FOSL2: variants seen among roughly 807,000 people sequenced by gnomAD.
The protein encoded by FOSL2 is FOS like 2, AP-1 transcription factor subunit.
A neutral mutation model predicts 27.7 loss-of-function variants in FOSL2; 3 were observed. The ratio of observed to expected loss-of-function variants is 0.11; its 90% CI spans 0.05 to 0.28. The LOEUF (loss-of-function observed/expected upper bound fraction) is 0.28. FOSL2 is among the 10% of genes least tolerant of loss of function. The pLI, the probability that FOSL2 is intolerant of heterozygous loss-of-function variation, is 1.00. For missense variants in FOSL2, 333 were observed against 445.1 expected, an observed-to-expected ratio of 0.75 and a Z score of 2.27; for synonymous variants, 179 against 190.1, an observed-to-expected ratio of 0.94 and a Z score of 0.48.
chr2:28,406,306 C>G (rs1051425304), intron 2 of FOSL2, among the ~76,000 whole-genome samples: 3 of 152,132 alleles, frequency 2.0e-5, no homozygotes, highest in African/African-American at 7.2e-5. Flanking sequence ...AGGTGATCCA[C>G]CCGCCTCAGC....
Position 28,417,190 on chromosome 2 carries a change from G to C in FOSL2, c.*4742G>C, listed in dbSNP as rs2148108448. 1 of 152,152 alleles carries C rather than the reference G, an allele frequency of 6.6e-6. No homozygotes were observed. The highest frequency in any genetic ancestry group is 2.1e-4 in the South Asian group (1 of 4,818). 9.4% of individuals were successfully genotyped at this position (152,152 alleles called of 1,614,324 possible). ...AAAGAAAGCTTGTTAGAAAAAGCTTGCTGCTATGGAAGAAAGAACATATTA... is the reference window on the plus strand; with the variant it reads ...AAAGAAAGCTTGTTAGAAAAAGCTTCCTGCTATGGAAGAAAGAACATATTA... On this transcript the variant is annotated 3_prime_UTR_variant, in exon 4 of 4. Transcript: ENST00000264716.
chr2:28,403,128 G>A (rs1376270713), intron 1 of FOSL2, among the ~76,000 whole-genome samples: 1 of 152,216 alleles, frequency 6.6e-6, no homozygotes, highest in East Asian at 1.9e-4. Flanking sequence ...CTGAAAAGCT[G>A]GAAGTAGGGG....
rs551825425 is a variant in FOSL2, at chr2:28,411,856, C to T, written c.463-74C>T. 1.5e-4 allele frequency: 234 copies of T among 1,530,822 alleles called. No individual in the cohort carries two copies. The African/African-American group carries it at 2.6e-3, about 17-fold the overall frequency. The allele number at this position is 1,530,822 out of a possible 1,614,324, so 94.8% of individuals were successfully genotyped here. ...GCTCTCACAGTGTCTGAGAACATTA[C>T]TGGTTTTCTCTTTCCTGCCTAGATT... On this transcript the variant is annotated intron_variant, in intron 3 of 3. Transcript: ENST00000264716.
In FOSL2 at chr2:28,412,427, C is replaced by T. The variant is rs1417509226; in HGVS notation, c.960C>T (p.Ser320=). Residue 320 remains serine, a synonymous_variant, in exon 4 of 4, where the codon TCC becomes TCT. Coordinates refer to ENST00000264716, the MANE Select transcript of FOSL2 (RefSeq NM_005253.4). This position sits in a 1 kb window ranked among gnomAD's most constrained non-coding sequence, Gnocchi z 7.1. ...ACCAATCATCAGACTCCTTGAACTC[C>T]CCCACTCTGCTGGCTCTGTAACCCA... ...SGDQSSDSLN[S]PTLLAL 1 of 1,600,770 alleles carries T rather than the reference C, an allele frequency of 6.2e-7. No homozygotes were observed. The highest frequency in any genetic ancestry group is 8.5e-7 in the Non-Finnish European group (1 of 1,179,736).
At chr2:28,410,697 C>G (rs901937398) in intron 3 of FOSL2, 2 of 207,146 alleles carry the variant, frequency 9.7e-6, no homozygotes, top group Admixed American at 6.5e-5. Flanking sequence ...TTCTGCTTCT[C>G]TGGCTGGGGA....
In FOSL2 at chr2:28,412,532, G is replaced by A; in HGVS notation, c.*84G>A. ...GACCAGCACCTTCAAGCGCTCCAGG[G>A]CCGTGAGGGCAAGAGGGGGACCTGC... On this transcript the variant is annotated 3_prime_UTR_variant, in exon 4 of 4. Transcript: ENST00000264716. This position sits in a 1 kb window ranked among gnomAD's most constrained non-coding sequence, Gnocchi z 7.1. The A allele has an allele frequency of 6.7e-7, 1 of 1,496,264 alleles. No individual in the cohort carries two copies. Among genetic ancestry groups the A allele is most frequent in the East Asian group, 2.3e-5 (1 of 43,726 alleles). 92.7% of individuals were successfully genotyped at this position (1,496,264 alleles called of 1,614,324 possible).
Position 28,413,445 on chromosome 2 carries a change from C to T in FOSL2, c.*997C>T. On this transcript the variant is annotated 3_prime_UTR_variant, in exon 4 of 4. Transcript: ENST00000264716. The stretch of plus-strand genomic sequence containing the variant: ...AGTCCCTGCCGGGCTCCGCCTTTCC[C>T]CCACCCTGGCTCTCAGGGTGACGCC... 1 of 398,764 alleles carries T rather than the reference C, an allele frequency of 2.5e-6. No homozygotes were observed. Among genetic ancestry groups the T allele is most frequent in the Non-Finnish European group, 4.4e-6 (1 of 226,218 alleles). The allele number at this position is 398,764 out of a possible 1,614,324, so 24.7% of individuals were successfully genotyped here.
At position 28,413,212 on chromosome 2, in the gene FOSL2, A is replaced by G. The variant is rs1205051914; in HGVS notation, c.*764A>G. Reference sequence around the variant, plus strand: ...CCAGAAGACAGGGTGTGAGTGAGACAGTGGGGCACAGGTTGGGTTTGCCAA... The same window carrying G: ...CCAGAAGACAGGGTGTGAGTGAGACGGTGGGGCACAGGTTGGGTTTGCCAA... On this transcript the variant is annotated 3_prime_UTR_variant, in exon 4 of 4. Coordinates refer to ENST00000264716, the MANE Select transcript of FOSL2 (RefSeq NM_005253.4). 3.1e-6 allele frequency: 1 copy of G among 319,138 alleles called. No individual in the cohort carries two copies. Among genetic ancestry groups the G allele is most frequent in the African/African-American group, 2.1e-5 (1 of 47,074 alleles). The allele number at this position is 319,138 out of a possible 1,614,324, so 19.8% of individuals were successfully genotyped here. A position where few individuals can be genotyped will look rare whatever the true frequency, so the allele number is the denominator to read the frequency against.
At chr2:28,405,781 C>T (rs886862387) in intron 2 of FOSL2, among the ~76,000 whole-genome samples, 2 of 152,224 alleles carry the variant, frequency 1.3e-5, no homozygotes, top group Admixed American at 1.3e-4. Context: ...CATGTTGGGC[C>T]TCTGCTGCTG....
rs1428933066 is a variant in FOSL2 at position 28,416,620 on chromosome 2, A to G, written c.*4172A>G. The G allele has an allele frequency of 6.6e-5, 10 of 152,284 alleles. No homozygotes were observed. The East Asian group carries it at 1.9e-3, about 29-fold the overall frequency. 9.4% of individuals were successfully genotyped at this position (152,284 alleles called of 1,614,324 possible). On this transcript the variant is annotated 3_prime_UTR_variant, in exon 4 of 4. Transcript: ENST00000264716. The stretch of plus-strand genomic sequence containing the variant: ...CGCCAAGACATCTACATTGTAAGAG[A>G]ACACAGTGGAAGATCCTGTCCTGAT...
rs1664260141 is a variant in FOSL2 at position 28,413,918 on chromosome 2, C to G, written c.*1470C>G. 1 of 398,218 alleles carries G rather than the reference C, an allele frequency of 2.5e-6. No homozygotes were observed. Among genetic ancestry groups the G allele is most frequent in the Non-Finnish European group, 4.4e-6 (1 of 226,088 alleles). The allele number at this position is 398,218 out of a possible 1,614,324, so 24.7% of individuals were successfully genotyped here. On this transcript the variant is annotated 3_prime_UTR_variant, in exon 4 of 4. Coordinates refer to ENST00000264716, the MANE Select transcript of FOSL2 (RefSeq NM_005253.4). Reference sequence around the variant, plus strand: ...CTTCCCACTGCAGGAGAGCTGCCCCCTTTCACGGGGTTGGGGAAGGGTCCC... The same window carrying G: ...CTTCCCACTGCAGGAGAGCTGCCCCGTTTCACGGGGTTGGGGAAGGGTCCC...
At position 28,392,924 on chromosome 2, in the gene FOSL2, G is replaced by T; in HGVS notation, c.-797G>T. Reference sequence around the variant, plus strand: ...ACCAGCGAGCGAGCGAACGAGCGGCGCTCGGCGGGGACAGAAAGAGGGAGA... The same window carrying T: ...ACCAGCGAGCGAGCGAACGAGCGGCTCTCGGCGGGGACAGAAAGAGGGAGA... On this transcript the variant is annotated 5_prime_UTR_variant, in exon 1 of 4. Coordinates refer to ENST00000264716, the MANE Select transcript of FOSL2 (RefSeq NM_005253.4). 1 of 712,470 alleles carries T rather than the reference G, an allele frequency of 1.4e-6. No homozygotes were observed. The highest frequency in any genetic ancestry group is 2.0e-5 in the Admixed American group (1 of 49,800). 44.1% of individuals were successfully genotyped at this position (712,470 alleles called of 1,614,324 possible). A position where few individuals can be genotyped will look rare whatever the true frequency, so the allele number is the denominator to read the frequency against.
intron 1 of FOSL2, chr2:28,395,780 A>G (rs1663820463): frequency 6.6e-6 from 1 of 152,202 alleles, no homozygotes; most frequent in African/African-American, 2.4e-5. Context: ...TGGCAAGGTA[A>G]TGCCACTTGA....
At position 28,412,260 on chromosome 2, in the gene FOSL2, A is replaced by G. The variant is rs756305870; in HGVS notation, c.793A>G (p.Ile265Val). The G allele has an allele frequency of 6.2e-7, 1 of 1,613,746 alleles. No homozygotes were observed. The highest frequency in any genetic ancestry group is 8.5e-7 in the Non-Finnish European group (1 of 1,179,896). ...FYGEEPLHTP[I>V]VVTSTPAVTP... is the part of the protein sequence containing the mutation. ...CGGTGAGGAGCCCCTGCACACCCCC[A>G]TCGTGGTGACCTCCACACCTGCTGT... Residue 265 changes from isoleucine to valine, a missense_variant, in exon 4 of 4, where the codon ATC becomes GTC. By Grantham distance (29) the Ile-to-Val change is conservative. This residue lies in a region of FOSL2 where 136 missense variants were observed against 123.7 expected (regional missense o/e 1.10). Coordinates refer to ENST00000264716, the MANE Select transcript of FOSL2 (RefSeq NM_005253.4). The surrounding 1 kb of genome is among the most constrained non-coding windows in gnomAD (Gnocchi z 7.1).
In FOSL2 at chr2:28,412,162, C is replaced by T. The variant is rs577454302; in HGVS notation, c.695C>T (p.Ser232Leu). The change falls in exon 4 of 4, where the codon TCG becomes TTG. Residue 232 changes from serine (S) to leucine (L), a missense_variant. Physicochemically the swap from Ser to Leu is moderately radical, Grantham distance 145. Around this residue, in one of 4 missense-constraint regions of FOSL2, gnomAD observed 136 missense variants for 123.7 expected, o/e 1.10. Coordinates refer to ENST00000264716, the MANE Select transcript of FOSL2 (RefSeq NM_005253.4). The surrounding 1 kb of genome is among the most constrained non-coding windows in gnomAD (Gnocchi z 7.1). ...GAGCCCCTGGAAGAGGACAGCCCCT[C>T]GTCCTCGTCGGCGGGGCTGGACAAG... Reference protein sequence around the residue: ...KQEPLEEDSPSSSSAGLDKAQ... With the variant: ...KQEPLEEDSPLSSSAGLDKAQ... The T allele has an allele frequency of 1.7e-5, 27 of 1,608,056 alleles. No homozygotes were observed. Among genetic ancestry groups the T allele is most frequent in the East Asian group, 1.6e-4 (7 of 44,740 alleles).
chr2:28,397,433 T>C (rs1255177187), intron 1 of FOSL2, among the ~76,000 whole-genome samples: 16 of 152,152 alleles, frequency 1.1e-4, no homozygotes. Flanking sequence ...TGTTGTAGAT[T>C]AGGATCAAAC....
chr2:28,413,855 A>G lies in FOSL2; in HGVS notation c.*1407A>G. On this transcript the variant is annotated 3_prime_UTR_variant, in exon 4 of 4. Transcript: ENST00000264716. ...TGCGCCATTCCTGGTTGTCTGTTGA[A>G]TCTTTCTGGCTGCTGGAATTGGAGA... The G allele has an allele frequency of 2.5e-6, 1 of 398,746 alleles. No homozygotes were observed. The highest frequency in any genetic ancestry group is 2.1e-5 in the African/African-American group (1 of 48,732). 24.7% of individuals were successfully genotyped at this position (398,746 alleles called of 1,614,324 possible). A position where few individuals can be genotyped will look rare whatever the true frequency, so the allele number is the denominator to read the frequency against.
At position 28,392,867 on chromosome 2, in the gene FOSL2, C is replaced by T; in HGVS notation, c.-854C>T. On this transcript the variant is annotated 5_prime_UTR_variant, in exon 1 of 4. Transcript: ENST00000264716. ...TTGAACTCGTGCCATTGTAGTGACT[C>T]ATCTCGGGCAGAGCGCTAGGGCTCC... 1 of 715,696 alleles carries T rather than the reference C, an allele frequency of 1.4e-6. No homozygotes were observed. Among genetic ancestry groups the T allele is most frequent in the South Asian group, 1.5e-5 (1 of 67,504 alleles). 44.3% of individuals were successfully genotyped at this position (715,696 alleles called of 1,614,324 possible).
At chr2:28,399,200 G>A (rs1284791406) in intron 1 of FOSL2, among the ~76,000 whole-genome samples, 6 of 152,144 alleles carry the variant, frequency 3.9e-5, no homozygotes, top group Non-Finnish European at 7.4e-5. Context: ...ATGGAGAATC[G>A]CCTGGCCAAG....
Sources: gnomAD v4.1 joint callset for allele counts (sites outside exome capture counted in the v4.1 genomes callset) on GRCh38, gnomAD v4.1.1 for gene constraint, gnomAD v4.1.1 regional missense constraint, Gnocchi (gnomAD v3.1) non-coding constraint, MANE v1.5 for transcripts, NCBI Gene and HGNC (gene_info 2026-07-23, HGNC 2026-07-21) for gene names.